ALPL: variants seen among roughly 807,000 people sequenced by gnomAD.
ALPL encodes the protein alkaline phosphatase, biomineralization associated, also known as alkaline phosphatase, tissue-nonspecific isozyme.
In ALPL, 42 loss-of-function variants were observed where a neutral mutation model predicts 51.3. The observed-to-expected ratio is 0.82, with a 90% CI of 0.64 to 1.06. The LOEUF is 1.06. ALPL is among the 50% of genes least tolerant of loss of function. The pLI, the probability that ALPL is intolerant of heterozygous loss-of-function variation, is 0.00. For missense variants in ALPL, 589 were observed against 709.4 expected (o/e 0.83, Z 1.93); for synonymous variants, 279 against 296.4 (o/e 0.94, Z 0.60).
intron 1 of ALPL, among the ~76,000 whole-genome samples, chr1:21,545,344 A>G (rs1400828368): frequency 6.6e-6 from 1 of 151,964 alleles, no homozygotes; most frequent in Non-Finnish European, 1.5e-5. Flanking sequence ...AGGCTGGAGT[A>G]CAGCATTGTA....
At chr1:21,576,789 T>G in intron 11 of ALPL, 148 bp downstream of exon 11, 4 of 1,111,894 alleles carry the variant, frequency 3.6e-6, no homozygotes, top group Admixed American at 2.4e-5. Context: ...CCCAGGTTGT[T>G]TGATTCAAAC....
intron 7 of ALPL, 40 bp downstream of exon 7, chr1:21,568,287 G>A: frequency 6.2e-7 from 1 of 1,613,340 alleles, no homozygotes; most frequent in Non-Finnish European, 8.5e-7. Context: ...GAGGTGGCCT[G>A]TGATGGGGAG....
At chr1:21,532,861 C>T (rs1644048762) in intron 1 of ALPL, among the ~76,000 whole-genome samples, 1 of 152,226 alleles carries the variant, frequency 6.6e-6, no homozygotes, top group Non-Finnish European at 1.5e-5. Flanking sequence ...GGAGTCAGGA[C>T]ACCAGGGTGC....
At chr1:21,551,733 T>TG (rs939123115) in intron 1 of ALPL, among the ~76,000 whole-genome samples, 3 of 138,496 alleles carry the variant, frequency 2.2e-5, no homozygotes, top group African/African-American at 8.0e-5. Flanking sequence ...TTTTTTTTTT[T>TG]TTTTTTTTTT....
At chr1:21,519,293 A>C (rs1457626512) in intron 1 of ALPL, among the ~76,000 whole-genome samples, 1 of 152,224 alleles carries the variant, frequency 6.6e-6, no homozygotes, top group Non-Finnish European at 1.5e-5. Flanking sequence ...GCCCTGGTAC[A>C]GTCTAGCTTA....
Position 21,564,159 on chromosome 1 carries a change from G to A in ALPL, c.591G>A (p.Leu197=). ...YSDNEMPPEA[L]SQGCKDIAYQ... is the part of the protein sequence containing the mutation. ...ACAACGAGATGCCCCCTGAGGCCTT[G>A]AGCCAGGGCTGTAAGGACATCGCCT... The change falls in exon 6 of 12, where the codon TTG becomes TTA. Residue 197 remains leucine (L), a synonymous_variant. Coordinates refer to ENST00000374840, the MANE Select transcript of ALPL (RefSeq NM_000478.6). The surrounding 1 kb of genome is among the most constrained non-coding windows in gnomAD (Gnocchi z 5.8). 1 of 1,614,076 alleles carries A rather than the reference G, an allele frequency of 6.2e-7. No homozygotes were observed. Among genetic ancestry groups the A allele is most frequent in the South Asian group, 1.1e-5 (1 of 91,086 alleles).
In ALPL at chr1:21,553,964, T is replaced by C. The variant is rs1024253092; in HGVS notation, c.-104-14T>C. On this transcript the variant is annotated splice_polypyrimidine_tract_variant and intron_variant, in intron 1 of 11. Coordinates refer to ENST00000374840, the MANE Select transcript of ALPL (RefSeq NM_000478.6). ...TGCCCCACATGCCTCTTTTTCTCTT[T>C]TTTTAATTTCTAGGATTGGAACATC... The C allele has an allele frequency of 1.1e-6, 1 of 893,658 alleles. No individual in the cohort carries two copies. The highest frequency in any genetic ancestry group is 1.9e-6 in the Non-Finnish European group (1 of 530,642). The allele number at this position is 893,658 out of a possible 1,614,324, so 55.4% of individuals were successfully genotyped here.
chr1:21,569,099 G>C (rs934113575), intron 7 of ALPL, among the ~76,000 whole-genome samples: 1 of 152,118 alleles, frequency 6.6e-6, no homozygotes, highest in African/African-American at 2.4e-5. Flanking sequence ...AGAACGAGGT[G>C]GGGGTAGGGA....
At chr1:21,527,719 T>G (rs1643967337) in intron 1 of ALPL, among the ~76,000 whole-genome samples, 1 of 152,042 alleles carries the variant, frequency 6.6e-6, no homozygotes. Flanking sequence ...CTGGCTAATT[T>G]TTGTATTTTC....
intron 1 of ALPL, among the ~76,000 whole-genome samples, chr1:21,533,719 G>C (rs1468244583): frequency 6.6e-6 from 1 of 152,146 alleles, no homozygotes; most frequent in African/African-American, 2.4e-5. Flanking sequence ...TCAGGAGTTC[G>C]AGATCAGCCT....
intron 1 of ALPL, among the ~76,000 whole-genome samples, chr1:21,515,859 T>C (rs573120075): frequency 1.3e-5 from 1 of 79,440 alleles, no homozygotes; most frequent in African/African-American, 4.6e-5. Context: ...TTGTCTGTTT[T>C]GTTTGTTTGT....
At chr1:21,563,338 T>C (rs1172632873) in intron 5 of ALPL, 54 bp downstream of exon 5, 5 of 1,553,262 alleles carry the variant, frequency 3.2e-6, no homozygotes, top group African/African-American at 1.4e-5. Context: ...TGTCCAGGCC[T>C]CAGTCTTTCT....
chr1:21,537,909 C>T (rs1327671991), intron 1 of ALPL, among the ~76,000 whole-genome samples: 1 of 152,218 alleles, frequency 6.6e-6, no homozygotes, highest in Non-Finnish European at 1.5e-5. Flanking sequence ...CATAGAGTTT[C>T]TCCCTCTTCC....
intron 6 of ALPL, among the ~76,000 whole-genome samples, chr1:21,567,187 G>A (rs554249680): frequency 6.6e-6 from 1 of 152,348 alleles, no homozygotes; most frequent in South Asian, 2.1e-4. Context: ...TCTGGGGCCA[G>A]TGTCAGCCAG....
chr1:21,514,343 TCCCCAAGAG>T (rs1031364784), intron 1 of ALPL, among the ~76,000 whole-genome samples: 14 of 152,132 alleles, frequency 9.2e-5, no homozygotes, highest in Admixed American at 9.2e-4. Flanking sequence ...TACCCCTTGC[TCCCCAAGAG>T]CCCTGTGCAT....
intron 1 of ALPL, among the ~76,000 whole-genome samples, chr1:21,511,525 G>A (rs780912422): frequency 5.3e-5 from 8 of 152,194 alleles, no homozygotes; most frequent in Non-Finnish European, 7.3e-5. Flanking sequence ...CTGGAAGTTG[G>A]GTTATGTGCC....
At chr1:21,561,959 G>A (rs1644491779) in intron 4 of ALPL, among the ~76,000 whole-genome samples, 1 of 152,178 alleles carries the variant, frequency 6.6e-6, no homozygotes, top group African/African-American at 2.4e-5. Context: ...GAGCCACCGT[G>A]CCTGGCCTGT....
At position 21,520,555 on chromosome 1, in the gene ALPL, A is replaced by G. The variant is rs1336712180; in HGVS notation, c.-105+11038A>G. On this transcript the variant is annotated intron_variant, in intron 1 of 11. Transcript: ENST00000374840. ...TGATCTTGGCTCACTGCAGCCTCCC[A>G]GGTTCAAGTGATTCTCCTGCCTCAG... 2.3e-5 allele frequency among the ~76,000 whole-genome samples: 3 copies of G among 128,744 alleles called. No individual in the cohort carries two copies. In the East Asian group the frequency reaches 7.2e-4, roughly 31 times the overall value. The allele number at this position is 128,744 out of a possible 152,430, so 84.5% of individuals were successfully genotyped here. A position where few individuals can be genotyped will look rare whatever the true frequency, so the allele number is the denominator to read the frequency against.
intron 8 of ALPL, 48 bp from the exon 9 acceptor site, chr1:21,573,617 C>T: frequency 1.2e-6 from 2 of 1,608,774 alleles, no homozygotes; most frequent in South Asian, 1.1e-5. Context: ...GTCCTCCTAG[C>T]CGGGTCACAG....
Sources: gnomAD v4.1 joint callset for allele counts (sites outside exome capture counted in the v4.1 genomes callset) on GRCh38, gnomAD v4.1.1 for gene constraint, Gnocchi (gnomAD v3.1) non-coding constraint, MANE v1.5 for transcripts, NCBI Gene and HGNC (gene_info 2026-07-23, HGNC 2026-07-21) for gene names.